Variants in GRAMD1B observed in about 807,000 individuals in gnomAD.
GRAMD1B encodes the protein GRAM domain containing 1B, also known as protein Aster-B.
In GRAMD1B, 37 loss-of-function variants were observed where a neutral mutation model predicts 99.7. That is an observed-to-expected ratio of 0.37 (90% CI 0.29 to 0.49). The LOEUF (loss-of-function observed/expected upper bound fraction) is 0.49, where lower values mean the gene tolerates loss of function less well. Among genes scored for constraint, GRAMD1B ranks in the 20% least tolerant of loss-of-function variants. GRAMD1B has a pLI of 0.98. For synonymous variants in GRAMD1B, 427 were observed against 387.6 expected, an observed-to-expected ratio of 1.10 and a Z score of -1.19; for missense variants, 888 against 1,009.2, an observed-to-expected ratio of 0.88 and a Z score of 1.63.
Position 123,610,429 on chromosome 11 carries a change from G to C in GRAMD1B, c.1919+91G>C. The C allele has an allele frequency of 1.5e-6, 2 of 1,302,120 alleles. No homozygotes were observed. Among genetic ancestry groups the C allele is most frequent in the South Asian group, 1.2e-5 (1 of 80,828 alleles). 80.7% of individuals were successfully genotyped at this position (1,302,120 alleles called of 1,614,324 possible). On this transcript the variant is annotated intron_variant, in intron 14 of 19. Transcript: ENST00000635736. This position sits in a 1 kb window ranked among gnomAD's most constrained non-coding sequence, Gnocchi z 4.1. ...TCCTGACGGGGAAGGAGGAGGTGGGGAGTGCTTGGCTGCTGACTCTCTTTA... is the reference window on the plus strand; with the variant it reads ...TCCTGACGGGGAAGGAGGAGGTGGGCAGTGCTTGGCTGCTGACTCTCTTTA...
intron 10 of GRAMD1B, 144 bp from the exon 11 acceptor site, chr11:123,606,465 G>A (rs1952735713): frequency 1.5e-6 from 1 of 680,322 alleles, no homozygotes; most frequent in Non-Finnish European, 2.5e-6. Context: ...TCTGGGGAAG[G>A]GCTTTGGAGC....
At chr11:123,367,883 GTAT>G (rs1946374695) in intron 1 of GRAMD1B, among the ~76,000 whole-genome samples, 1 of 152,082 alleles carries the variant, frequency 6.6e-6, no homozygotes, top group Admixed American at 6.6e-5. Context: ...AGATTGTAAA[GTAT>G]CATCCAGATC....
At chr11:123,544,765 G>T (rs1047301922) in intron 2 of GRAMD1B, among the ~76,000 whole-genome samples, 1 of 152,226 alleles carries the variant, frequency 6.6e-6, no homozygotes, top group Non-Finnish European at 1.5e-5. Flanking sequence ...TGCCACCAGG[G>T]CCCCCGGGCC....
intron 2 of GRAMD1B, among the ~76,000 whole-genome samples, chr11:123,536,196 C>T (rs1943948865): frequency 6.6e-6 from 1 of 152,162 alleles, no homozygotes; most frequent in Non-Finnish European, 1.5e-5. Flanking sequence ...AGGTGGATCA[C>T]TTGAGGCCAG....
intron 4 of GRAMD1B, among the ~76,000 whole-genome samples, chr11:123,586,327 C>T (rs961184081): frequency 6.6e-6 from 1 of 152,218 alleles, no homozygotes; most frequent in African/African-American, 2.4e-5. Flanking sequence ...CCTAGATGTT[C>T]TCTTTTCCCA....
chr11:123,547,467 C>A (rs1482364987), intron 2 of GRAMD1B, among the ~76,000 whole-genome samples: 3 of 152,156 alleles, frequency 2.0e-5, no homozygotes, highest in Non-Finnish European at 4.4e-5. Context: ...TAGGAACTCA[C>A]CTCCTATGCA....
At chr11:123,557,775 C>A (rs702738) in intron 2 of GRAMD1B, among the ~76,000 whole-genome samples, 3 of 151,956 alleles carry the variant, frequency 2.0e-5, no homozygotes, top group Admixed American at 6.6e-5. Context: ...GTATTTAATA[C>A]AAACCATGAA....
chr11:123,595,800 A>C, intron 6 of GRAMD1B, 142 bp from the exon 7 acceptor site: 1 of 562,484 alleles, frequency 1.8e-6, no homozygotes. Context: ...AAACCAGATG[A>C]TCACCAATGC....
rs754285383 is a variant in GRAMD1B at position 123,539,436 on chromosome 11, C to CA, written c.453-37926dup. ...AAGCAACATAGTGAGACCCCATGTC[C>CA]AAAAATAAAAATAAAAATTAGCCAG... is the stretch of plus-strand genomic sequence containing the variant. On this transcript the variant is annotated intron_variant, in intron 2 of 19. Coordinates refer to ENST00000635736, the MANE Select transcript of GRAMD1B (RefSeq NM_001387025.1). 7.7e-3 allele frequency among the ~76,000 whole-genome samples: 765 copies of CA among 98,788 alleles called. 2 individuals are homozygous for CA. The highest frequency in any genetic ancestry group is 0.016 in the African/African-American group (518 of 31,480). 64.8% of individuals were successfully genotyped at this position (98,788 alleles called of 152,430 possible).
intron 1 of GRAMD1B, among the ~76,000 whole-genome samples, chr11:123,395,458 TAACAAC>T (rs769239736): frequency 6.6e-6 from 1 of 151,832 alleles, no homozygotes; most frequent in Non-Finnish European, 1.5e-5. Flanking sequence ...CTGCCCTCAT[TAACAAC>T]AACAACAACA....
At chr11:123,542,684 C>A in intron 2 of GRAMD1B, among the ~76,000 whole-genome samples, 1 of 152,170 alleles carries the variant, frequency 6.6e-6, no homozygotes, top group African/African-American at 2.4e-5. Context: ...CGGAATTTTG[C>A]TCTTGTTGCC....
chr11:123,403,917 GA>G (rs1947763654), intron 1 of GRAMD1B, among the ~76,000 whole-genome samples: 2 of 152,170 alleles, frequency 1.3e-5, no homozygotes, highest in African/African-American at 4.8e-5. Flanking sequence ...CTTAGAAAAA[GA>G]AAAAATTGAC....
chr11:123,616,726 A>G (rs1214147783), intron 17 of GRAMD1B, among the ~76,000 whole-genome samples: 1 of 152,100 alleles, frequency 6.6e-6, no homozygotes, highest in Non-Finnish European at 1.5e-5. Flanking sequence ...TGACTCAGCC[A>G]CCTCCTTTCT....
chr11:123,562,319 C>T (rs577742439), intron 2 of GRAMD1B, among the ~76,000 whole-genome samples: 9 of 152,298 alleles, frequency 5.9e-5, no homozygotes, highest in East Asian at 5.8e-4. Context: ...ATGGTTGGGA[C>T]GCAGGCACCC....
At chr11:123,595,010 C>T (rs536081668) in intron 6 of GRAMD1B, among the ~76,000 whole-genome samples, 172 bp downstream of exon 6, 385 of 152,300 alleles carry the variant, frequency 2.5e-3, no homozygotes, top group Middle Eastern at 0.014. Flanking sequence ...AATCAGGTCT[C>T]CTCTGCCATG....
intron 7 of GRAMD1B, among the ~76,000 whole-genome samples, chr11:123,599,751 G>A (rs1290874): frequency 0.82 from 124,479 of 151,710 alleles, 51,307 homozygotes; most frequent in East Asian, 0.99. Context: ...GGGATTACAG[G>A]CGTAAGCCAT....
intron 1 of GRAMD1B, among the ~76,000 whole-genome samples, chr11:123,404,140 C>T (rs141325823): frequency 0.017 from 2,560 of 152,136 alleles, 28 homozygotes; most frequent in Non-Finnish European, 0.026. Flanking sequence ...TTTTATCTGC[C>T]TAGGTCTAAT....
chr11:123,406,183 C>G (rs868572601), intron 1 of GRAMD1B, among the ~76,000 whole-genome samples: 1 of 151,664 alleles, frequency 6.6e-6, no homozygotes, highest in South Asian at 2.1e-4. Context: ...AGACTGGTCT[C>G]GAACTCCTGA....
chr11:123,604,962 GA>G (rs1186549919), intron 9 of GRAMD1B, among the ~76,000 whole-genome samples: 1 of 152,164 alleles, frequency 6.6e-6, no homozygotes, highest in Admixed American at 6.5e-5. Context: ...TGCATGCTCA[GA>G]ACCCAGATAT....
Sources: allele counts gnomAD v4.1 joint callset (sites outside exome capture counted in the v4.1 genomes callset), GRCh38; gene constraint gnomAD v4.1.1; non-coding constraint Gnocchi (gnomAD v3.1); transcripts MANE v1.5; gene names NCBI Gene and HGNC (gene_info 2026-07-23, HGNC 2026-07-21).